The following LRRC61 variants were observed in gnomAD, a reference collection of about 807,000 sequenced individuals.
The protein encoded by LRRC61 is leucine-rich repeat-containing protein 61.
A neutral mutation model predicts 15.1 loss-of-function variants in LRRC61; 9 were observed. The observed-to-expected ratio is 0.60, with a 90% CI of 0.36 to 1.04. The LOEUF is 1.04. LRRC61 is among the 50% of genes least tolerant of loss of function. LRRC61 has a pLI of 0.01. For synonymous variants in LRRC61, 173 were observed against 158.6 expected (o/e 1.09, Z -0.68); for missense variants, 344 against 335.6 (o/e 1.03, Z -0.20).
chr7:150,311,176 C>T, the LRRC61 span, among the ~76,000 whole-genome samples: 1 of 152,132 alleles, frequency 6.6e-6, no homozygotes, highest in African/African-American at 2.4e-5. Context: ...TCCTTTCATT[C>T]TCTCAAAAAG....
chr7:150,313,746 GGA>G, the LRRC61 span, among the ~76,000 whole-genome samples: 2 of 152,132 alleles, frequency 1.3e-5, no homozygotes, highest in Non-Finnish European at 2.9e-5. Flanking sequence ...CTAGAAAGAG[GGA>G]GAGAGGGGGA....
upstream of LRRC61, among the ~76,000 whole-genome samples, chr7:150,321,811 TCCCAGCTGTAGC>T (rs2129617785): frequency 6.6e-6 from 1 of 152,200 alleles, no homozygotes; most frequent in South Asian, 2.1e-4. Flanking sequence ...TGGGCAGGGG[TCCCAGCTGTAGC>T]CCAAGCTGGA....
the LRRC61 span, among the ~76,000 whole-genome samples, chr7:150,313,453 A>G: frequency 6.6e-6 from 1 of 152,252 alleles, no homozygotes; most frequent in Non-Finnish European, 1.5e-5. Context: ...GGGATTGTGG[A>G]GACCAAGGTT....
chr7:150,337,441 A>G lies in LRRC61; in HGVS notation c.580A>G (p.Thr194Ala), dbSNP rs754025563. ...CAGCTCCAGTCCAGGCCCCAGAGCC[A>G]CCGAGGCCCAGCCCTGGGTGGAGCC... ...RPSSSPGPRA[T>A]EAQPWVEPGY... The change falls in exon 3 of 3, where the codon ACC becomes GCC. Residue 194 changes from threonine to alanine, a missense_variant. Thr to Ala is a moderately conservative substitution (Grantham distance 58, BLOSUM62 0). Transcript: ENST00000359623. The G allele has an allele frequency of 6.2e-7, 1 of 1,604,636 alleles. No homozygotes were observed. Among genetic ancestry groups the G allele is most frequent in the Non-Finnish European group, 8.5e-7 (1 of 1,179,890 alleles).
chr7:150,321,715 G>A (rs1467139812), upstream of LRRC61, among the ~76,000 whole-genome samples: 1 of 152,124 alleles, frequency 6.6e-6, no homozygotes, highest in Admixed American at 6.5e-5. Flanking sequence ...ACTCCAGCCT[G>A]GGCAAGAGAG....
chr7:150,323,662 C>G (rs1264685863), intron 1 of LRRC61, 102 bp downstream of exon 1: 1 of 455,878 alleles, frequency 2.2e-6, no homozygotes. Context: ...GCCCTCGCGC[C>G]GAAACACACT....
chr7:150,336,680 CAG>C, intron 2 of LRRC61, 36 bp from the exon 3 acceptor site: 9 of 752,978 alleles, frequency 1.2e-5, no homozygotes, highest in South Asian at 5.4e-5. Context: ...GCGTAAGACA[CAG>C]AAAGTGCTGC....
intron 2 of LRRC61, chr7:150,331,539 C>G (rs1798108957): frequency 5.5e-6 from 1 of 180,976 alleles, no homozygotes; most frequent in African/African-American, 2.4e-5. Flanking sequence ...TCCTTTACGT[C>G]TAGCAGTATG....
Position 150,335,377 on chromosome 7 carries a change from G to C in LRRC61, c.-144-1341G>C, listed in dbSNP as rs1798256449. Among the ~76,000 whole-genome samples, 1 of 152,240 alleles carries C rather than the reference G, an allele frequency of 6.6e-6. No individual in the cohort carries two copies. Among genetic ancestry groups the C allele is most frequent in the Non-Finnish European group, 1.5e-5 (1 of 68,034 alleles). ...AAATATTTGAGGTATAAATAAAAGA[G>C]AATGAGCTGGAATGTTGCAGACTAG... On this transcript the variant is annotated intron_variant, in intron 2 of 2. Transcript: ENST00000359623. This position sits in a 1 kb window ranked among gnomAD's most constrained non-coding sequence, Gnocchi z 4.3.
rs778288765 is a variant in LRRC61, at chr7:150,333,981, C to T, written c.-144-2737C>T. ...AGGCCTGCATCTGGTGAGGGCAGGA[C>T]GGGGCCACACTGGTGCAGGGCTGTG... is the stretch of plus-strand genomic sequence containing the variant. On this transcript the variant is annotated intron_variant, in intron 2 of 2. Transcript: ENST00000359623. The surrounding 1 kb of genome is among the most constrained non-coding windows in gnomAD (Gnocchi z 4.3). The T allele has an allele frequency of 1.2e-4, 120 of 985,114 alleles. No individual in the cohort carries two copies. Among genetic ancestry groups the T allele is most frequent in the Middle Eastern group, 5.2e-4 (1 of 1,936 alleles). 61.0% of individuals were successfully genotyped at this position (985,114 alleles called of 1,614,324 possible). A position where few individuals can be genotyped will look rare whatever the true frequency, so the allele number is the denominator to read the frequency against.
At chr7:150,327,012 C>T (rs1030953840) in intron 2 of LRRC61, among the ~76,000 whole-genome samples, 2 of 152,212 alleles carry the variant, frequency 1.3e-5, no homozygotes, top group African/African-American at 2.4e-5. Context: ...GCTCCTCTTT[C>T]TGGCCAGAGT....
upstream of LRRC61, among the ~76,000 whole-genome samples, chr7:150,319,190 G>C (rs560320840): frequency 3.2e-4 from 48 of 149,838 alleles, no homozygotes; most frequent in Admixed American, 1.1e-3. Context: ...CACAGCATTT[G>C]TAAAATTGCT....
upstream of LRRC61, among the ~76,000 whole-genome samples, chr7:150,319,202 CTTCT>C (rs1405851485): frequency 4.9e-5 from 7 of 143,866 alleles, no homozygotes; most frequent in East Asian, 2.3e-4. Flanking sequence ...AAAATTGCTT[CTTCT>C]TTTTTTTTTT....
upstream of LRRC61, among the ~76,000 whole-genome samples, chr7:150,318,449 T>C (rs904098913): frequency 2.0e-5 from 3 of 152,180 alleles, no homozygotes; most frequent in Non-Finnish European, 4.4e-5. Context: ...CCTGGAAAAC[T>C]AATAAAGATG....
In LRRC61 at chr7:150,338,039, C is replaced by G. The variant is rs1798370885; in HGVS notation, c.*398C>G. 1 of 417,752 alleles carries G rather than the reference C, an allele frequency of 2.4e-6. No individual in the cohort carries two copies. Among genetic ancestry groups the G allele is most frequent in the Admixed American group, 3.8e-5 (1 of 26,438 alleles). The allele number at this position is 417,752 out of a possible 1,614,324, so 25.9% of individuals were successfully genotyped here. A position where few individuals can be genotyped will look rare whatever the true frequency, so the allele number is the denominator to read the frequency against. The stretch of plus-strand genomic sequence containing the variant: ...GCCCAGAGCACTCCTGGAAGTGGGA[C>G]TCCCCTGCCTTGCAAATGTGCCTCT... On this transcript the variant is annotated 3_prime_UTR_variant, in exon 3 of 3. Transcript: ENST00000359623.
At position 150,337,240 on chromosome 7, in the gene LRRC61, C is replaced by G; in HGVS notation, c.379C>G (p.Leu127Val). The change falls in exon 3 of 3, where the codon CTG becomes GTG. Residue 127 changes from leucine to valine, a missense_variant. Transcript: ENST00000359623. ...CLAGLPCLEY[L>V]RLRDPLARLS... ...GGCTGGGCTACCGTGCCTGGAGTAC[C>G]TGCGGCTCCGAGACCCTTTGGCCCG... 1.2e-6 allele frequency: 2 copies of G among 1,604,218 alleles called. No homozygotes were observed. Among genetic ancestry groups the G allele is most frequent in the Non-Finnish European group, 1.7e-6 (2 of 1,179,922 alleles).
chr7:150,322,940 C>A (rs570793844), upstream of LRRC61: 2 of 152,372 alleles, frequency 1.3e-5, no homozygotes, highest in South Asian at 2.0e-4. Flanking sequence ...CACGTGCGGA[C>A]GAGGTCCGGG....
chr7:150,318,235 A>T, the LRRC61 span, among the ~76,000 whole-genome samples: 1 of 152,158 alleles, frequency 6.6e-6, no homozygotes, highest in African/African-American at 2.4e-5. Context: ...AGAGATCATT[A>T]TGGAGTGGTC....
the LRRC61 span, among the ~76,000 whole-genome samples, chr7:150,314,059 T>C: frequency 1.3e-5 from 2 of 152,336 alleles, no homozygotes; most frequent in East Asian, 1.9e-4. Flanking sequence ...AGTGAGCTTC[T>C]GCATCTAGTC....
Sources: gnomAD v4.1 joint callset for allele counts (sites outside exome capture counted in the v4.1 genomes callset) on GRCh38, gnomAD v4.1.1 for gene constraint, Gnocchi (gnomAD v3.1) non-coding constraint, MANE v1.5 for transcripts, NCBI Gene and HGNC (gene_info 2026-07-23, HGNC 2026-07-21) for gene names.